SORCS2: variants seen among roughly 807,000 people sequenced by gnomAD.
SORCS2 encodes sortilin related VPS10 domain containing receptor 2.
SORCS2 carries 100 observed loss-of-function variants against 141.6 expected under a neutral mutation model. That is an observed-to-expected ratio of 0.71 (90% CI 0.60 to 0.83). SORCS2 has a LOEUF of 0.83. Ranked by LOEUF, SORCS2 falls within the 40% of genes least tolerant of loss-of-function variation. The pLI is 0.00. For missense variants in SORCS2, 1,646 were observed against 1,560.2 expected, an observed-to-expected ratio of 1.05 and a Z score of -0.93; for synonymous variants, 789 against 676.9, an observed-to-expected ratio of 1.17 and a Z score of -2.57.
At chr4:7,218,919 G>C (rs1012912137) in intron 1 of SORCS2, among the ~76,000 whole-genome samples, 1 of 152,066 alleles carries the variant, frequency 6.6e-6, no homozygotes, top group African/African-American at 2.4e-5. Context: ...TGCACTGCCC[G>C]CAGGCACTCT....
intron 2 of SORCS2, among the ~76,000 whole-genome samples, chr4:7,423,128 C>T (rs530186296): frequency 6.6e-6 from 1 of 152,224 alleles, no homozygotes; most frequent in African/African-American, 2.4e-5. Flanking sequence ...ACTCCCCGCA[C>T]CCATCCACGC....
At position 7,433,713 on chromosome 4, in the gene SORCS2, C is replaced by T. The variant is rs377245502; in HGVS notation, c.548+37358C>T. ...CATTGCAGAAGCTGCCCTGGTTCTC[C>T]GCGTCCCACTCTGGGGACGGCACGA... On this transcript the variant is annotated intron_variant, in intron 2 of 26. Transcript: ENST00000507866. The T allele has an allele frequency of 2.4e-4, 381 of 1,613,034 alleles. No individual in the cohort carries two copies. Among genetic ancestry groups the T allele is most frequent in the African/African-American group, 1.7e-3 (128 of 75,014 alleles).
At chr4:7,583,466 G>A (rs1716301978) in intron 3 of SORCS2, among the ~76,000 whole-genome samples, 1 of 152,156 alleles carries the variant, frequency 6.6e-6, no homozygotes. Flanking sequence ...CCTCAGATAT[G>A]GTTTGGCTGT....
chr4:7,502,638 G>T (rs1732039850), intron 2 of SORCS2, among the ~76,000 whole-genome samples: 1 of 152,148 alleles, frequency 6.6e-6, no homozygotes, highest in South Asian at 2.1e-4. Flanking sequence ...CGTCTGTCTG[G>T]GACAGGAGTA....
At chr4:7,423,900 C>G (rs1020754811) in intron 2 of SORCS2, among the ~76,000 whole-genome samples, 5 of 152,250 alleles carry the variant, frequency 3.3e-5, no homozygotes, top group Admixed American at 3.3e-4. Flanking sequence ...CGGCCAGCGT[C>G]AAGCTGCCAA....
At chr4:7,262,180 A>G (rs566168735) in intron 1 of SORCS2, among the ~76,000 whole-genome samples, 1 of 23,714 alleles carries the variant, frequency 4.2e-5, no homozygotes, top group South Asian at 1.9e-3. Context: ...CCACCCACCC[A>G]TCTATGCATC....
chr4:7,390,472 G>A (rs1723783527), intron 1 of SORCS2, among the ~76,000 whole-genome samples: 1 of 152,236 alleles, frequency 6.6e-6, no homozygotes, highest in Non-Finnish European at 1.5e-5. Context: ...ACCTGGTAAA[G>A]ACGAAGCTTG....
chr4:7,659,969 A>G (rs941975131), intron 5 of SORCS2, among the ~76,000 whole-genome samples: 30 of 152,194 alleles, frequency 2.0e-4, no homozygotes, highest in African/African-American at 6.8e-4. Context: ...ATGAGCTTTG[A>G]TCTGTTTTCA....
rs146941459 is a variant in SORCS2 at position 7,378,240 on chromosome 4, C to T, written c.481-18048C>T. Among the ~76,000 whole-genome samples, 1,138 of 152,294 alleles carry T rather than the reference C, an allele frequency of 7.5e-3. 8 individuals are homozygous for T. The highest frequency in any genetic ancestry group is 0.01 in the Admixed American group (158 of 15,310). The stretch of plus-strand genomic sequence containing the variant: ...CTAACATCTCTGTTGAAATTGACTC[C>T]ATTGCTTCTCTTCAGGCTAATGTGT... On this transcript the variant is annotated intron_variant, in intron 1 of 26. Coordinates refer to ENST00000507866, the MANE Select transcript of SORCS2 (RefSeq NM_020777.3).
chr4:7,283,383 T>C (rs1485998260), intron 1 of SORCS2, among the ~76,000 whole-genome samples: 1 of 152,216 alleles, frequency 6.6e-6, no homozygotes, highest in Non-Finnish European at 1.5e-5. Context: ...GGGTGTTGGC[T>C]GGAAGCAAGA....
chr4:7,275,721 C>G (rs1715458925), intron 1 of SORCS2, among the ~76,000 whole-genome samples: 1 of 150,796 alleles, frequency 6.6e-6, no homozygotes, highest in Non-Finnish European at 1.5e-5. Flanking sequence ...ACTAGTGTTG[C>G]AAGCAGACTA....
intron 11 of SORCS2, among the ~76,000 whole-genome samples, chr4:7,695,264 A>ATTGG (rs1724524301): frequency 8.9e-6 from 1 of 112,624 alleles, no homozygotes; most frequent in Non-Finnish European, 1.8e-5. Context: ...GGTTAGATGG[A>ATTGG]TGGGTGGGTG....
At position 7,411,033 on chromosome 4, in the gene SORCS2, G is replaced by A. The variant is rs537128349; in HGVS notation, c.548+14678G>A. Among the ~76,000 whole-genome samples the A allele has an allele frequency of 1.0e-4, 13 of 124,758 alleles. No homozygotes were observed. The South Asian group carries it at 3.4e-3, about 33-fold the overall frequency. The allele number at this position is 124,758 out of a possible 152,430, so 81.8% of individuals were successfully genotyped here. A position where few individuals can be genotyped will look rare whatever the true frequency, so the allele number is the denominator to read the frequency against. On this transcript the variant is annotated intron_variant, in intron 2 of 26. Coordinates refer to ENST00000507866, the MANE Select transcript of SORCS2 (RefSeq NM_020777.3). ...TGTAGTGGTGTGATCTCGACTCACC[G>A]CAACCTCTGCCTCCCGGGTTCAAGC...
intron 3 of SORCS2, among the ~76,000 whole-genome samples, chr4:7,572,393 A>G (rs1375683283): frequency 6.7e-6 from 1 of 148,944 alleles, no homozygotes; most frequent in African/African-American, 2.6e-5. Context: ...AAATCATTTA[A>G]TCATTTACGT....
chr4:7,538,313 A>G (rs1560367769), intron 3 of SORCS2, among the ~76,000 whole-genome samples: 1 of 152,140 alleles, frequency 6.6e-6, no homozygotes, highest in Non-Finnish European at 1.5e-5. Flanking sequence ...GCTCCTGGCC[A>G]GGCAGCCTAC....
chr4:7,402,847 T>C (rs1371962987), intron 2 of SORCS2, among the ~76,000 whole-genome samples: 1 of 151,920 alleles, frequency 6.6e-6, no homozygotes, highest in Non-Finnish European at 1.5e-5. Context: ...TATTGACTTT[T>C]TGGGTCTCGT....
chr4:7,231,537 TCATC>T (rs1027539552), intron 1 of SORCS2, among the ~76,000 whole-genome samples: 4 of 148,894 alleles, frequency 2.7e-5, no homozygotes, highest in African/African-American at 7.8e-5. Flanking sequence ...ATCCATCCAT[TCATC>T]CATCCATCCA....
chr4:7,559,224 G>A (rs1183888008), intron 3 of SORCS2, among the ~76,000 whole-genome samples: 3 of 152,142 alleles, frequency 2.0e-5, no homozygotes, highest in Admixed American at 6.5e-5. Context: ...CCCCGTGCCC[G>A]CAGTGCCTCG....
rs191786228 is a variant in SORCS2 at position 7,679,285 on chromosome 4, G to A, written c.1341+3056G>A. Among the ~76,000 whole-genome samples, 33 of 152,314 alleles carry A rather than the reference G, an allele frequency of 2.2e-4. No individual in the cohort carries two copies. The East Asian group carries it at 6.0e-3, about 28-fold the overall frequency. Reference sequence around the variant, plus strand: ...AGCTTGGGTTATGAATGGGGACTTAGGGGACATAGCCCTGTCCCCTGCCCC... The same window carrying A: ...AGCTTGGGTTATGAATGGGGACTTAAGGGACATAGCCCTGTCCCCTGCCCC... On this transcript the variant is annotated intron_variant, in intron 9 of 26. Transcript: ENST00000507866.
Sources: gnomAD v4.1 joint callset for allele counts (sites outside exome capture counted in the v4.1 genomes callset) on GRCh38, gnomAD v4.1.1 for gene constraint, MANE v1.5 for transcripts, NCBI Gene and HGNC (gene_info 2026-07-23, HGNC 2026-07-21) for gene names.